The following TSTD2 variants were observed in gnomAD, a reference collection of about 807,000 sequenced individuals.
TSTD2 encodes the protein thiosulfate sulfurtransferase like domain containing 2.
Under a neutral mutation model 47.9 loss-of-function variants are expected in TSTD2, and 37 were observed. That is an observed-to-expected ratio of 0.77 (90% CI 0.59 to 1.02). The LOEUF is 1.02. Among genes scored for constraint, TSTD2 ranks in the 50% least tolerant of loss-of-function variants. The pLI is 0.00. For missense variants in TSTD2, 586 were observed against 616.0 expected (o/e 0.95, Z 0.52); for synonymous variants, 201 against 215.9 (o/e 0.93, Z 0.61).
intron 5 of TSTD2, 51 bp from the exon 6 acceptor site, chr9:97,610,502 G>T: frequency 7.4e-7 from 1 of 1,344,512 alleles, no homozygotes; most frequent in Non-Finnish European, 1.0e-6. Context: ...CCATCTCCAG[G>T]TATAAGACAA....
chr9:97,609,155 A>G (rs2131307807), intron 6 of TSTD2, among the ~76,000 whole-genome samples: 1 of 152,248 alleles, frequency 6.6e-6, no homozygotes, highest in Non-Finnish European at 1.5e-5. Context: ...AATTTTTTAT[A>G]TTGATTACAT....
rs1471713350 is a variant in TSTD2 at position 97,602,742 on chromosome 9, C to G, written c.1278G>C (p.Trp426Cys). 6.2e-7 allele frequency: 1 copy of G among 1,613,134 alleles called. No individual in the cohort carries two copies. Among genetic ancestry groups the G allele is most frequent in the Non-Finnish European group, 8.5e-7 (1 of 1,179,506 alleles). ...GAGTAGAGCAGAGTTTATACTGGTC[C>G]CAGCGGGCTCCACAGTATGAACACT... ...VSECSYCGAR[W>C]DQYKLCSTPQ... is the part of the protein sequence containing the mutation. The change falls in exon 10 of 10, where the codon TGG (tryptophan) becomes TGC (cysteine). Residue 426 changes from tryptophan (W) to cysteine (C), a missense_variant. Trp to Cys is a radical substitution (Grantham distance 215). Coordinates refer to ENST00000341170, the MANE Select transcript of TSTD2 (RefSeq NM_139246.5).
At chr9:97,604,705 C>T (rs1465407321) in intron 9 of TSTD2, 22 bp downstream of exon 9, 3 of 1,613,382 alleles carry the variant, frequency 1.9e-6, no homozygotes, top group Non-Finnish European at 2.5e-6. Flanking sequence ...TCAGTTTGGG[C>T]TCTGAGCCTG....
At chr9:97,610,173 C>A in intron 6 of TSTD2, 173 bp downstream of exon 6, 2 of 486,234 alleles carry the variant, frequency 4.1e-6, no homozygotes. Context: ...TCTTCAACCC[C>A]ACAGCACCAC....
chr9:97,613,424 T>C (rs925121038), intron 4 of TSTD2, among the ~76,000 whole-genome samples: 2 of 152,152 alleles, frequency 1.3e-5, no homozygotes, highest in Non-Finnish European at 2.9e-5. Context: ...TGAATATGCA[T>C]CCATATCTGG....
At position 97,625,954 on chromosome 9, in the gene TSTD2, CT is replaced by C; in HGVS notation, c.208del (p.Arg70GlyfsTer43). The C allele has an allele frequency of 6.2e-7, 1 of 1,613,202 alleles. No individual in the cohort carries two copies. Among genetic ancestry groups the C allele is most frequent in the Non-Finnish European group, 8.5e-7 (1 of 1,179,766 alleles). On this transcript the variant is annotated frameshift_variant, in exon 3 of 10. Transcript: ENST00000341170. LOFTEE classifies it high-confidence loss of function. ...FVKTKEVPTK[R>X]SFECKEKLWK... ...CAATTTTTCTTTACATTCAAAACTC[CT>C]TTTTGTTGGAACTTCTTTGGTTTTG...
At chr9:97,612,725 T>C (rs2131309848) in intron 4 of TSTD2, among the ~76,000 whole-genome samples, 1 of 152,284 alleles carries the variant, frequency 6.6e-6, no homozygotes, top group Middle Eastern at 3.4e-3. Flanking sequence ...CCAGCTAATG[T>C]TCGTATTTTT....
chr9:97,612,809 G>A (rs542710914), intron 4 of TSTD2, among the ~76,000 whole-genome samples: 2 of 152,346 alleles, frequency 1.3e-5, no homozygotes, highest in South Asian at 4.1e-4. Context: ...ACCCGCCTTG[G>A]CCTCCCAAAG....
Position 97,602,362 on chromosome 9 carries a change from A to G in TSTD2, c.*107T>C, listed in dbSNP as rs1826275648. 7.3e-7 allele frequency: 1 copy of G among 1,367,938 alleles called. No homozygotes were observed. The highest frequency in any genetic ancestry group is 1.5e-5 in the African/African-American group (1 of 68,138). The allele number at this position is 1,367,938 out of a possible 1,614,324, so 84.7% of individuals were successfully genotyped here. A position where few individuals can be genotyped will look rare whatever the true frequency, so the allele number is the denominator to read the frequency against. ...GGCTGCCACGGTGGCAGCGGCCAGA[A>G]CTGAAGTTCCCGATTTCTCTGTTTC... On this transcript the variant is annotated 3_prime_UTR_variant, in exon 10 of 10. Coordinates refer to ENST00000341170, the MANE Select transcript of TSTD2 (RefSeq NM_139246.5).
intron 4 of TSTD2, among the ~76,000 whole-genome samples, chr9:97,617,492 A>C (rs943680460): frequency 6.6e-6 from 1 of 152,216 alleles, no homozygotes; most frequent in African/African-American, 2.4e-5. Flanking sequence ...AACAAAACTG[A>C]ATAGTTTTTT....
rs1826738151 is a variant in TSTD2, at chr9:97,627,303, T to C, written c.165+95A>G. 2.0e-6 allele frequency: 3 copies of C among 1,482,812 alleles called. No individual in the cohort carries two copies. The Admixed American group carries it at 6.9e-5, about 34-fold the overall frequency. The allele number at this position is 1,482,812 out of a possible 1,614,324, so 91.9% of individuals were successfully genotyped here. On this transcript the variant is annotated intron_variant, in intron 2 of 9. Coordinates refer to ENST00000341170, the MANE Select transcript of TSTD2 (RefSeq NM_139246.5). ...CTGGTTAATGTTCCTGACTAGACTT[T>C]ACCTTGAGCTGGAGAGCAACCTTGA...
Position 97,601,110 on chromosome 9 carries a change from G to A in TSTD2, c.*1359C>T, listed in dbSNP as rs927064749. On this transcript the variant is annotated 3_prime_UTR_variant, in exon 10 of 10. Transcript: ENST00000341170. The stretch of plus-strand genomic sequence containing the variant: ...CAGGGCCTCAGCGCTATGGAAGAGT[G>A]TCCACTGAGGCTGCACATGGCCCAG... The A allele has an allele frequency of 7.7e-7, 1 of 1,304,316 alleles. No individual in the cohort carries two copies. The highest frequency in any genetic ancestry group is 2.3e-5 in the Admixed American group (1 of 43,576). 80.8% of individuals were successfully genotyped at this position (1,304,316 alleles called of 1,614,324 possible). A position where few individuals can be genotyped will look rare whatever the true frequency, so the allele number is the denominator to read the frequency against.
chr9:97,629,029 G>A (rs1441910456), intron 1 of TSTD2, among the ~76,000 whole-genome samples: 2 of 152,178 alleles, frequency 1.3e-5, no homozygotes, highest in Admixed American at 6.5e-5. Context: ...TAGTGAACTG[G>A]CAAAGTTAGT....
At position 97,607,224 on chromosome 9, in the gene TSTD2, G is replaced by C. The variant is rs147891272; in HGVS notation, c.836-963C>G. On this transcript the variant is annotated intron_variant, in intron 6 of 9. Transcript: ENST00000341170. The stretch of plus-strand genomic sequence containing the variant: ...GAACCTCAGTCTCCTGGGGCTCTTT[G>C]CCTTGTAACTCTCTAGGATAGAAAT... Among the ~76,000 whole-genome samples the C allele has an allele frequency of 4.7e-3, 713 of 152,280 alleles. 5 individuals are homozygous for C. The highest frequency in any genetic ancestry group is 0.016 in the African/African-American group (677 of 41,554).
In TSTD2 at chr9:97,625,726, G is replaced by A. The variant is rs1201205935; in HGVS notation, c.437C>T (p.Ala146Val). 1 of 1,613,964 alleles carries A rather than the reference G, an allele frequency of 6.2e-7. No homozygotes were observed. The highest frequency in any genetic ancestry group is 8.5e-7 in the Non-Finnish European group (1 of 1,179,956). Residue 146 changes from alanine (A) to valine (V), a missense_variant, in exon 3 of 10, where the codon GCT becomes GTT. Ala to Val is a moderately conservative substitution (Grantham distance 64). Coordinates refer to ENST00000341170, the MANE Select transcript of TSTD2 (RefSeq NM_139246.5). ...ECLPHSHDVSAWLPDISCFNP... is the reference protein window; with the variant it reads ...ECLPHSHDVSVWLPDISCFNP... ...AAAGCAGCTTATATCAGGGAGCCAA[G>A]CAGACACGTCATGGCTATGTGGAAG...
intron 6 of TSTD2, among the ~76,000 whole-genome samples, chr9:97,609,999 C>A (rs906531680): frequency 2.6e-5 from 4 of 152,280 alleles, no homozygotes; most frequent in Non-Finnish European, 4.4e-5. Context: ...TTGAAAGCAA[C>A]TTGTTTCCTG....
chr9:97,605,355 G>A (rs1826347181), intron 8 of TSTD2, 128 bp downstream of exon 8: 14 of 1,095,954 alleles, frequency 1.3e-5, no homozygotes, highest in Non-Finnish European at 1.6e-5. Flanking sequence ...AGCCATACGA[G>A]GGGTGAAGGC....
intron 9 of TSTD2, 85 bp from the exon 10 acceptor site, chr9:97,602,852 C>A: frequency 7.2e-7 from 1 of 1,384,952 alleles, no homozygotes; most frequent in Non-Finnish European, 9.8e-7. Context: ...TGACTAGAAT[C>A]TCGTAGATCC....
Position 97,627,410 on chromosome 9 carries a change from A to C in TSTD2, c.153T>G (p.Phe51Leu), listed in dbSNP as rs747138139. 2 of 1,599,152 alleles carry C rather than the reference A, an allele frequency of 1.3e-6. No individual in the cohort carries two copies. Among genetic ancestry groups the C allele is most frequent in the Non-Finnish European group, 1.7e-6 (2 of 1,170,718 alleles). ...LDGSTKKKYS[F>L]AKKKAFALFV... ...ATAAGAATTCTACCTTTTTCTTTGCAAACGAGTATTTCTTTTTTGTACTGC... is the reference window on the plus strand; with the variant it reads ...ATAAGAATTCTACCTTTTTCTTTGCCAACGAGTATTTCTTTTTTGTACTGC... Residue 51 changes from phenylalanine (F) to leucine (L), a missense_variant, in exon 2 of 10, where the codon TTT becomes TTG. Physicochemically the swap from Phe to Leu is conservative, Grantham distance 22. Transcript: ENST00000341170.
Sources: gnomAD v4.1 joint callset for allele counts (sites outside exome capture counted in the v4.1 genomes callset) on GRCh38, gnomAD v4.1.1 for gene constraint, MANE v1.5 for transcripts, NCBI Gene and HGNC (gene_info 2026-07-23, HGNC 2026-07-21) for gene names.